Variants in NXPE4 observed in about 807,000 individuals in gnomAD.
NXPE4 encodes the protein neurexophilin and PC-esterase domain family member 4.
A neutral mutation model predicts 33.3 loss-of-function variants in NXPE4; 42 were observed. The observed-to-expected ratio is 1.26, with a 90% CI of 0.98 to 1.63. The LOEUF (loss-of-function observed/expected upper bound fraction) is 1.63. Ranked by LOEUF, NXPE4 falls within the 40% of genes most tolerant of loss-of-function variation. The pLI, the probability that NXPE4 is intolerant of heterozygous loss-of-function variation, is 0.00. For synonymous variants in NXPE4, 253 were observed against 234.9 expected (o/e 1.08, Z -0.71); for missense variants, 709 against 647.6 (o/e 1.09, Z -1.03).
the NXPE4 span, among the ~76,000 whole-genome samples, chr11:114,607,787 G>A: frequency 2.0e-5 from 3 of 151,858 alleles, no homozygotes; most frequent in South Asian, 4.2e-4. Flanking sequence ...CTGTTACACG[G>A]TGGAGAATAA....
the NXPE4 span, among the ~76,000 whole-genome samples, chr11:114,636,981 A>G: frequency 6.6e-6 from 1 of 152,108 alleles, no homozygotes; most frequent in Admixed American, 6.6e-5. Context: ...TATTAGGTCC[A>G]CTTGGTGCAG....
intron 5 of NXPE4, among the ~76,000 whole-genome samples, chr11:114,571,942 A>G (rs1366994152): frequency 1.3e-5 from 2 of 152,320 alleles, no homozygotes; most frequent in East Asian, 3.9e-4. Context: ...GAGGCCAACG[A>G]ACACAAAACC....
chr11:114,653,533 C>T, the NXPE4 span, among the ~76,000 whole-genome samples: 5 of 103,514 alleles, frequency 4.8e-5, no homozygotes, highest in South Asian at 1.0e-3. Flanking sequence ...CCTGCTTTCC[C>T]TTTTTTTTTT....
chr11:114,585,720 G>A (rs1474666919), intron 2 of NXPE4, among the ~76,000 whole-genome samples: 1 of 152,066 alleles, frequency 6.6e-6, no homozygotes, highest in Non-Finnish European at 1.5e-5. Context: ...AGGAGTCCTT[G>A]GCAAGGCTTC....
chr11:114,617,870 G>T, the NXPE4 span, among the ~76,000 whole-genome samples: 2 of 152,064 alleles, frequency 1.3e-5, no homozygotes, highest in Non-Finnish European at 2.9e-5. Context: ...TGCCTCATGG[G>T]TAACCACTCT....
chr11:114,640,949 G>A, the NXPE4 span, among the ~76,000 whole-genome samples: 2 of 151,950 alleles, frequency 1.3e-5, no homozygotes, highest in Admixed American at 6.6e-5. Flanking sequence ...AAGGAAAAAG[G>A]CAGTAGAACA....
the NXPE4 span, among the ~76,000 whole-genome samples, chr11:114,642,217 C>G: frequency 6.6e-6 from 1 of 151,898 alleles, no homozygotes; most frequent in African/African-American, 2.4e-5. Flanking sequence ...TCCTTCTCCC[C>G]CAGTTCAAAA....
At chr11:114,618,990 G>T in the NXPE4 span, among the ~76,000 whole-genome samples, 3 of 152,026 alleles carry the variant, frequency 2.0e-5, no homozygotes, top group Non-Finnish European at 4.4e-5. Context: ...TGGATAATAG[G>T]TATTGCTTCT....
chr11:114,615,295 A>G, the NXPE4 span, among the ~76,000 whole-genome samples: 38 of 152,064 alleles, frequency 2.5e-4, no homozygotes, highest in South Asian at 7.5e-3. Context: ...TACCTGGTGG[A>G]TGATAAATAT....
chr11:114,665,927 GTTA>G, the NXPE4 span, among the ~76,000 whole-genome samples: 1 of 152,158 alleles, frequency 6.6e-6, no homozygotes, highest in African/African-American at 2.4e-5. Flanking sequence ...TCTGTGTGCA[GTTA>G]TTATCACTCT....
upstream of NXPE4, among the ~76,000 whole-genome samples, chr11:114,597,345 T>C (rs1949585611): frequency 6.6e-6 from 1 of 152,190 alleles, no homozygotes; most frequent in African/African-American, 2.4e-5. Context: ...ATCTGAATGA[T>C]ATTAACCAGG....
chr11:114,630,664 T>C, the NXPE4 span, among the ~76,000 whole-genome samples: 12 of 150,710 alleles, frequency 8.0e-5, 1 homozygote, highest in Non-Finnish European at 1.3e-4. Context: ...AAAGCCAAAA[T>C]TGACAAATGG....
chr11:114,638,909 T>C, the NXPE4 span, among the ~76,000 whole-genome samples: 2 of 151,372 alleles, frequency 1.3e-5, no homozygotes, highest in Admixed American at 1.3e-4. Flanking sequence ...TGCTTGGGGG[T>C]CAGGGGTCAG....
chr11:114,572,804 A>C (rs1488500192), intron 5 of NXPE4, among the ~76,000 whole-genome samples: 1 of 152,208 alleles, frequency 6.6e-6, no homozygotes, highest in Non-Finnish European at 1.5e-5. Context: ...GACTAATCGA[A>C]GAAAATTTCC....
chr11:114,626,754 G>A, the NXPE4 span, among the ~76,000 whole-genome samples: 1 of 152,180 alleles, frequency 6.6e-6, no homozygotes, highest in African/African-American at 2.4e-5. Flanking sequence ...CAAAGGCAAA[G>A]AAGTTGAAAA....
At chr11:114,641,673 G>C in the NXPE4 span, among the ~76,000 whole-genome samples, 21 of 152,054 alleles carry the variant, frequency 1.4e-4, no homozygotes, top group South Asian at 4.3e-3. Context: ...ACTAATAGGA[G>C]GTAAAACAAA....
chr11:114,653,112 C>A, the NXPE4 span, among the ~76,000 whole-genome samples: 1 of 152,044 alleles, frequency 6.6e-6, no homozygotes, highest in East Asian at 1.9e-4. Context: ...CAAGGGTTTT[C>A]TAAGAAGCAT....
chr11:114,602,213 A>G, the NXPE4 span, among the ~76,000 whole-genome samples: 4 of 107,062 alleles, frequency 3.7e-5, no homozygotes, highest in Admixed American at 1.3e-4. Context: ...ACTATATACA[A>G]TATATGTTAT....
the NXPE4 span, among the ~76,000 whole-genome samples, chr11:114,674,372 T>C: frequency 1.1e-4 from 16 of 151,740 alleles, no homozygotes; most frequent in Non-Finnish European, 2.1e-4. Context: ...ATCAAGTGTC[T>C]ATGGAGCTGA....
Sources: allele counts gnomAD v4.1 joint callset (sites outside exome capture counted in the v4.1 genomes callset), GRCh38; gene constraint gnomAD v4.1.1; transcripts MANE v1.5; gene names NCBI Gene and HGNC (gene_info 2026-07-23, HGNC 2026-07-21).